The following TAMM41 variants were observed in gnomAD, a reference collection of about 807,000 sequenced individuals.
TAMM41 encodes the protein phosphatidate cytidylyltransferase, mitochondrial.
TAMM41 carries 36 observed loss-of-function variants against 44.1 expected under a neutral mutation model. The ratio of observed to expected loss-of-function variants is 0.82; its 90% confidence interval spans 0.63 to 1.08. The LOEUF (loss-of-function observed/expected upper bound fraction) is 1.08, where lower values mean the gene tolerates loss of function less well. TAMM41 is among the 50% of genes least tolerant of loss of function. The pLI, the probability that TAMM41 is intolerant of heterozygous loss-of-function variation, is 0.00. For synonymous variants in TAMM41, 164 were observed against 153.1 expected, an observed-to-expected ratio of 1.07 and a Z score of -0.53; for missense variants, 417 against 404.3, an observed-to-expected ratio of 1.03 and a Z score of -0.27.
chr3:11,762,875 C>T, the TAMM41 span, among the ~76,000 whole-genome samples: 2 of 152,188 alleles, frequency 1.3e-5, no homozygotes, highest in Admixed American at 6.5e-5. Flanking sequence ...GCCTGGCCAA[C>T]ATGGTGAAAA....
the TAMM41 span, among the ~76,000 whole-genome samples, chr3:11,748,332 G>A: frequency 6.6e-6 from 1 of 151,950 alleles, no homozygotes. Context: ...ACCCAGGCTG[G>A]AGTGCAGTGG....
chr3:11,724,410 T>TATTTTC, the TAMM41 span, among the ~76,000 whole-genome samples: 1 of 93,846 alleles, frequency 1.1e-5, no homozygotes, highest in Non-Finnish European at 2.4e-5. Context: ...GCCTATTTTT[T>TATTTTC]ATTTTTATTT....
chr3:11,776,879 G>T, the TAMM41 span, among the ~76,000 whole-genome samples: 1 of 152,164 alleles, frequency 6.6e-6, no homozygotes, highest in African/African-American at 2.4e-5. Flanking sequence ...GAGACATTAT[G>T]CTTAGTAAAA....
At chr3:11,768,564 T>C in the TAMM41 span, among the ~76,000 whole-genome samples, 2 of 152,264 alleles carry the variant, frequency 1.3e-5, no homozygotes, top group African/African-American at 4.8e-5. Flanking sequence ...CTCATTCATT[T>C]TCCAAGTACC....
chr3:11,776,014 TA>T, the TAMM41 span, among the ~76,000 whole-genome samples: 6 of 91,814 alleles, frequency 6.5e-5, no homozygotes, highest in African/African-American at 1.6e-4. Context: ...TTTAATTAAT[TA>T]ATTTTTTTTT....
the TAMM41 span, among the ~76,000 whole-genome samples, chr3:11,754,708 C>CTTT: frequency 2.8e-3 from 287 of 103,514 alleles, 5 homozygotes; most frequent in Middle Eastern, 7.7e-3. Flanking sequence ...TCTCAGATCT[C>CTTT]TTTTTTTTTT....
intron 3 of TAMM41, among the ~76,000 whole-genome samples, chr3:11,837,178 G>A (rs1367131146): frequency 6.6e-6 from 1 of 152,130 alleles, no homozygotes; most frequent in Non-Finnish European, 1.5e-5. Context: ...GTGAGCTAAG[G>A]CTATGGAAAT....
chr3:11,781,739 TAA>T, the TAMM41 span, among the ~76,000 whole-genome samples: 1,027 of 83,174 alleles, frequency 0.012, 10 homozygotes, highest in African/African-American at 0.051. Context: ...CATCTCAAAA[TAA>T]TAATAATAAT....
At chr3:11,774,838 T>A in the TAMM41 span, among the ~76,000 whole-genome samples, 5 of 151,428 alleles carry the variant, frequency 3.3e-5, no homozygotes. Flanking sequence ...AATTCCCAAA[T>A]CCTCATCTCC....
intron 7 of TAMM41, among the ~76,000 whole-genome samples, chr3:11,799,203 C>A (rs1498093): frequency 0.063 from 9,558 of 151,824 alleles, 548 homozygotes; most frequent in African/African-American, 0.14. Context: ...AACAAAAAAA[C>A]AAACGTAAAA....
Position 11,829,875 on chromosome 3 carries a change from C to A in TAMM41, c.412-11G>T. ...TGAGATAATTTTCACCTGAAAGAAG[C>A]AGAACATTGGGAAGAAAAATTCCAG... is the stretch of plus-strand genomic sequence containing the variant. On this transcript the variant is annotated splice_polypyrimidine_tract_variant and intron_variant, in intron 3 of 7. Transcript: ENST00000455809. 1 of 1,613,428 alleles carries A rather than the reference C, an allele frequency of 6.2e-7. No homozygotes were observed. Among genetic ancestry groups the A allele is most frequent in the East Asian group, 2.2e-5 (1 of 44,882 alleles).
the TAMM41 span, among the ~76,000 whole-genome samples, chr3:11,722,928 A>C: frequency 6.6e-6 from 1 of 152,072 alleles, no homozygotes; most frequent in African/African-American, 2.4e-5. Flanking sequence ...ATGCCATTGC[A>C]GTCCAGTCTG....
chr3:11,740,081 AC>A, the TAMM41 span, among the ~76,000 whole-genome samples: 1 of 139,992 alleles, frequency 7.1e-6, no homozygotes, highest in Non-Finnish European at 1.5e-5. Flanking sequence ...AAGGCAAAAA[AC>A]AAAACAAAAC....
chr3:11,790,475 T>C lies in TAMM41; in HGVS notation c.*30A>G. ...AAAAGGATCAAACACTTTATTCATC[T>C]ACACATAACATATATAAAAGCAAGC... is the stretch of plus-strand genomic sequence containing the variant. On this transcript the variant is annotated 3_prime_UTR_variant, in exon 8 of 8. Coordinates refer to ENST00000455809, the MANE Select transcript of TAMM41 (RefSeq NM_001284401.2). The C allele has an allele frequency of 1.3e-6, 2 of 1,572,888 alleles. No homozygotes were observed. Among genetic ancestry groups the C allele is most frequent in the South Asian group, 1.1e-5 (1 of 90,006 alleles).
intron 5 of TAMM41, among the ~76,000 whole-genome samples, chr3:11,811,993 T>C (rs1419251972): frequency 6.6e-6 from 1 of 152,198 alleles, no homozygotes; most frequent in African/African-American, 2.4e-5. Context: ...AGTGGCGCGA[T>C]CTCAGCTCGC....
intron 5 of TAMM41, 27 bp from the exon 6 acceptor site, chr3:11,809,709 T>C: frequency 1.9e-6 from 3 of 1,585,718 alleles, no homozygotes; most frequent in Non-Finnish European, 2.6e-6. Flanking sequence ...AAAGACGACG[T>C]CTATGGAAGT....
At chr3:11,808,658 C>A (rs2077992093) in intron 6 of TAMM41, 1 of 974,576 alleles carries the variant, frequency 1.0e-6, no homozygotes, top group Non-Finnish European at 1.2e-6. Flanking sequence ...TCTTGATTGA[C>A]TGATCTCATA....
chr3:11,813,990 A>G (rs563369599), intron 5 of TAMM41, among the ~76,000 whole-genome samples: 7 of 117,526 alleles, frequency 6.0e-5, no homozygotes, highest in Middle Eastern at 4.1e-3. Flanking sequence ...ACACCTGTGT[A>G]TACACACACA....
At chr3:11,839,353 A>G in intron 2 of TAMM41, 39 bp from the exon 3 acceptor site, 1 of 1,280,452 alleles carries the variant, frequency 7.8e-7, no homozygotes, top group Non-Finnish European at 1.1e-6. Flanking sequence ...GGAGTAAAAT[A>G]CCATGTTATT....
Sources: gnomAD v4.1 joint callset for allele counts (sites outside exome capture counted in the v4.1 genomes callset) on GRCh38, gnomAD v4.1.1 for gene constraint, MANE v1.5 for transcripts, NCBI Gene and HGNC (gene_info 2026-07-23, HGNC 2026-07-21) for gene names.